The following ESRRG variants were observed in gnomAD, a reference collection of about 807,000 sequenced individuals.
ESRRG encodes estrogen-related receptor gamma.
Under a neutral mutation model 44.0 loss-of-function variants are expected in ESRRG, and 13 were observed. The ratio of observed to expected loss-of-function variants is 0.30; its 90% CI spans 0.19 to 0.47. The LOEUF (loss-of-function observed/expected upper bound fraction) is 0.47. ESRRG is among the 20% of genes least tolerant of loss of function. ESRRG has a pLI of 1.00. For missense variants in ESRRG, 395 were observed against 580.6 expected (o/e 0.68, Z 3.29); for synonymous variants, 215 against 214.6 (o/e 1.00, Z -0.02).
In ESRRG at chr1:216,912,194, AGG is replaced by A. The variant is rs2060512470; in HGVS notation, c.-14+27386_-14+27387del. Among the ~76,000 whole-genome samples, 10 of 10,548 alleles carry A rather than the reference AGG, an allele frequency of 9.5e-4. 1 individual carries two copies. In the South Asian group the frequency reaches 0.012, roughly 13 times the overall value. 6.9% of individuals were successfully genotyped at this position (10,548 alleles called of 152,430 possible). On this transcript the variant is annotated intron_variant, in intron 2 of 7. Transcript: ENST00000359162. ...AGAAAAGAAAAGAAAAGGAGAGGAG[AGG>A]AGAGGAGAGGAGAGGAGAGGAGAGG... is the stretch of plus-strand genomic sequence containing the variant.
At chr1:217,123,765 G>C (rs2092854371) in intron 1 of ESRRG, among the ~76,000 whole-genome samples, 1 of 152,070 alleles carries the variant, frequency 6.6e-6, no homozygotes. Flanking sequence ...GGAGAGTAGG[G>C]GGGCAGCAAG....
chr1:216,668,231 C>T (rs1008447475), intron 2 of ESRRG, among the ~76,000 whole-genome samples: 9 of 152,232 alleles, frequency 5.9e-5, no homozygotes, highest in South Asian at 2.1e-4. Flanking sequence ...AAATACATTG[C>T]TAGGAAAATT....
intron 1 of ESRRG, among the ~76,000 whole-genome samples, chr1:217,057,791 T>C (rs1192545054): frequency 6.6e-6 from 1 of 152,176 alleles, no homozygotes; most frequent in Non-Finnish European, 1.5e-5. Context: ...CCAACACAAA[T>C]TGATAAACTT....
At chr1:216,769,539 C>T (rs531696459) in intron 2 of ESRRG, among the ~76,000 whole-genome samples, 2 of 152,168 alleles carry the variant, frequency 1.3e-5, no homozygotes, top group South Asian at 2.1e-4. Flanking sequence ...GAAGATAATA[C>T]TATGTGAGGA....
intron 1 of ESRRG, among the ~76,000 whole-genome samples, chr1:216,709,587 A>G (rs2083181177): frequency 6.6e-6 from 1 of 152,062 alleles, no homozygotes; most frequent in Non-Finnish European, 1.5e-5. Flanking sequence ...AAAGTGACTC[A>G]AATGCCATGA....
At chr1:216,613,934 G>GAA (rs1274547816) in intron 3 of ESRRG, among the ~76,000 whole-genome samples, 6 of 152,074 alleles carry the variant, frequency 3.9e-5, no homozygotes, top group Non-Finnish European at 8.8e-5. Context: ...TCCCCGCTTT[G>GAA]TCCTAAGTTT....
At chr1:216,715,167 A>G in intron 1 of ESRRG, 1 of 985,340 alleles carries the variant, frequency 1.0e-6, no homozygotes, top group Non-Finnish European at 1.2e-6. Context: ...CCAAGTGTGT[A>G]GTTCAGTACA....
chr1:216,980,431 C>A (rs2073756544), intron 1 of ESRRG, among the ~76,000 whole-genome samples: 1 of 152,150 alleles, frequency 6.6e-6, no homozygotes, highest in Non-Finnish European at 1.5e-5. Context: ...TATTCCCCAA[C>A]CCAGTCAATG....
intron 2 of ESRRG, 55 bp from the exon 3 acceptor site, chr1:216,651,144 A>C (rs939844146): frequency 2.7e-6 from 3 of 1,119,854 alleles, no homozygotes; most frequent in Non-Finnish European, 4.1e-6. Flanking sequence ...AGGAAACATT[A>C]GCTTCCCAAA....
chr1:216,970,912 C>T (rs1252807665), intron 1 of ESRRG, among the ~76,000 whole-genome samples: 2 of 152,072 alleles, frequency 1.3e-5, no homozygotes, highest in Non-Finnish European at 2.9e-5. Flanking sequence ...TATTAATGAG[C>T]CCCTTTTTTT....
chr1:216,517,095 T>C (rs889793566), intron 6 of ESRRG, among the ~76,000 whole-genome samples: 8 of 152,170 alleles, frequency 5.3e-5, no homozygotes, highest in African/African-American at 1.9e-4. Context: ...AAGTCAATGA[T>C]GGAATCACCT....
intron 2 of ESRRG, among the ~76,000 whole-genome samples, chr1:216,775,265 C>T (rs935685459): frequency 2.0e-5 from 3 of 151,988 alleles, no homozygotes; most frequent in East Asian, 1.9e-4. Flanking sequence ...GTTCTAAGAT[C>T]GGCTTCTTCT....
intron 1 of ESRRG, among the ~76,000 whole-genome samples, chr1:217,110,289 T>A (rs979148792): frequency 6.6e-6 from 1 of 152,196 alleles, no homozygotes; most frequent in Admixed American, 6.5e-5. Flanking sequence ...GCTATGGCAA[T>A]CCCTTTAAAT....
chr1:216,600,575 A>C (rs2059068994), intron 3 of ESRRG, among the ~76,000 whole-genome samples: 1 of 152,080 alleles, frequency 6.6e-6, no homozygotes, highest in South Asian at 2.1e-4. Context: ...TCCATGGGTA[A>C]AATTGTGTCA....
chr1:216,677,616 G>GA (rs2076332031), intron 1 of ESRRG, 125 bp from the exon 2 acceptor site: 8 of 789,772 alleles, frequency 1.0e-5, no homozygotes, highest in East Asian at 5.4e-5. Context: ...GTAAAAGGAG[G>GA]AAAAAAACAG....
intron 2 of ESRRG, among the ~76,000 whole-genome samples, chr1:216,873,130 C>T (rs1029776231): frequency 2.0e-5 from 3 of 150,562 alleles, no homozygotes; most frequent in East Asian, 3.9e-4. Flanking sequence ...TGGTTTAATT[C>T]TGGAAGTTTT....
At chr1:216,827,477 T>C (rs932058038) in intron 2 of ESRRG, among the ~76,000 whole-genome samples, 2 of 152,190 alleles carry the variant, frequency 1.3e-5, no homozygotes, top group African/African-American at 2.4e-5. Context: ...CCTGGAGTAA[T>C]TCAGCCTCCC....
intron 3 of ESRRG, among the ~76,000 whole-genome samples, chr1:216,612,537 C>G (rs543089395): frequency 7.8e-4 from 119 of 152,292 alleles, no homozygotes; most frequent in Middle Eastern, 3.4e-3. Context: ...TCTCCACCCC[C>G]CTCCTTTCTT....
At chr1:216,905,834 T>C (rs2059620268) in intron 2 of ESRRG, among the ~76,000 whole-genome samples, 1 of 152,170 alleles carries the variant, frequency 6.6e-6, no homozygotes, top group Admixed American at 6.5e-5. Flanking sequence ...ACCTCCAACC[T>C]CCGCCTCCCA....
Sources: allele counts gnomAD v4.1 joint callset (sites outside exome capture counted in the v4.1 genomes callset), GRCh38; gene constraint gnomAD v4.1.1; transcripts MANE v1.5; gene names NCBI Gene and HGNC (gene_info 2026-07-23, HGNC 2026-07-21).